HELZ: variants seen among roughly 807,000 people sequenced by gnomAD.
HELZ encodes the protein helicase with zinc finger, also known as ATP-dependent RNA helicase with zinc finger domain.
Under a neutral mutation model 218.2 loss-of-function variants are expected in HELZ, and 23 were observed. The observed-to-expected ratio is 0.11, with a 90% CI of 0.08 to 0.15. The LOEUF is 0.15. HELZ is among the 10% of genes least tolerant of loss of function. The pLI is 1.00. For synonymous variants in HELZ, 814 were observed against 829.4 expected, an observed-to-expected ratio of 0.98 and a Z score of 0.32; for missense variants, 1,813 against 2,353.7, an observed-to-expected ratio of 0.77 and a Z score of 4.75.
intron 9 of HELZ, among the ~76,000 whole-genome samples, chr17:67,192,127 G>C (rs567136134): frequency 6.6e-6 from 1 of 151,948 alleles, no homozygotes; most frequent in Non-Finnish European, 1.5e-5. Flanking sequence ...GCTTGAACCC[G>C]GGAGGCGGAG....
intron 3 of HELZ, among the ~76,000 whole-genome samples, chr17:67,233,047 T>C (rs954303164): frequency 1.3e-5 from 2 of 152,218 alleles, no homozygotes; most frequent in African/African-American, 2.4e-5. Flanking sequence ...GGCAGGAGAA[T>C]TGCTCGAACC....
chr17:67,212,944 T>C (rs1463495184), intron 5 of HELZ, among the ~76,000 whole-genome samples: 1 of 152,234 alleles, frequency 6.6e-6, no homozygotes, highest in Non-Finnish European at 1.5e-5. Flanking sequence ...ACTCATTTCA[T>C]GACAACTTTA....
chr17:67,153,873 C>T (rs907255873), intron 17 of HELZ, among the ~76,000 whole-genome samples: 2 of 152,170 alleles, frequency 1.3e-5, no homozygotes, highest in African/African-American at 2.4e-5. Context: ...TTTAATAAGT[C>T]ATCATATGGA....
In HELZ at chr17:67,111,386, T is replaced by C. The variant is rs151150620; in HGVS notation, c.3919-1700A>G. On this transcript the variant is annotated intron_variant, in intron 28 of 32. Coordinates refer to ENST00000358691, the MANE Select transcript of HELZ (RefSeq NM_014877.4). ...TCTGTCAAAACACTCCATGCATTACTTGGAGTGTAAATAAATTTGGCACGT... is the reference window on the plus strand; with the variant it reads ...TCTGTCAAAACACTCCATGCATTACCTGGAGTGTAAATAAATTTGGCACGT... Among the ~76,000 whole-genome samples, 7 of 152,306 alleles carry C rather than the reference T, an allele frequency of 4.6e-5. No individual in the cohort carries two copies. In the East Asian group the frequency reaches 1.3e-3, roughly 29 times the overall value.
chr17:67,082,854 T>G (rs973201854), intron 32 of HELZ, among the ~76,000 whole-genome samples: 19 of 149,996 alleles, frequency 1.3e-4, no homozygotes, highest in African/African-American at 4.7e-4. Context: ...ACTGTTTTTT[T>G]TTTTTGTTTT....
At chr17:67,103,458 CA>C (rs1299155597) in intron 31 of HELZ, among the ~76,000 whole-genome samples, 1 of 151,872 alleles carries the variant, frequency 6.6e-6, no homozygotes, top group African/African-American at 2.4e-5. Context: ...AATGAACAAT[CA>C]AAAAATGAAA....
chr17:67,097,546 C>A (rs944457080), intron 31 of HELZ, among the ~76,000 whole-genome samples: 1 of 152,146 alleles, frequency 6.6e-6, no homozygotes, highest in African/African-American at 2.4e-5. Context: ...TATTTTCCTA[C>A]CAAGCAATAT....
In HELZ at chr17:67,071,530, C is replaced by T. The variant is rs1022910596; in HGVS notation, c.*6722G>A. On this transcript the variant is annotated 3_prime_UTR_variant, in exon 33 of 33. Coordinates refer to ENST00000358691, the MANE Select transcript of HELZ (RefSeq NM_014877.4). ...GCTGTATATTCTACGATGGTCTTCA[C>T]GTGTACTTTTACACCTAAGTCATTC... The T allele has an allele frequency of 2.6e-5, 4 of 152,156 alleles. No homozygotes were observed. The highest frequency in any genetic ancestry group is 9.7e-5 in the African/African-American group (4 of 41,440). The allele number at this position is 152,156 out of a possible 1,614,324, so 9.4% of individuals were successfully genotyped here.
At chr17:67,141,307 A>G (rs564772759) in intron 21 of HELZ, among the ~76,000 whole-genome samples, 1 of 152,340 alleles carries the variant, frequency 6.6e-6, no homozygotes, top group African/African-American at 2.4e-5. Context: ...AACGGCACAA[A>G]GGAGGTAGGT....
chr17:67,095,501 T>C (rs564858267), intron 31 of HELZ, among the ~76,000 whole-genome samples: 100 of 152,302 alleles, frequency 6.6e-4, no homozygotes, highest in Non-Finnish European at 1.2e-3. Context: ...TGAGTCATGA[T>C]TGCACCACTG....
At chr17:67,242,251 A>G (rs539199759) in intron 2 of HELZ, among the ~76,000 whole-genome samples, 60 of 152,230 alleles carry the variant, frequency 3.9e-4, no homozygotes, top group Non-Finnish European at 7.1e-4. Flanking sequence ...CCCTCTCTCT[A>G]CTAAAAATAC....
chr17:67,200,335 G>A (rs2040137031), intron 7 of HELZ, among the ~76,000 whole-genome samples: 1 of 152,128 alleles, frequency 6.6e-6, no homozygotes, highest in Non-Finnish European at 1.5e-5. Context: ...TCCTTCACTG[G>A]AGTACTTTTT....
At chr17:67,150,133 T>C in intron 18 of HELZ, 148 bp from the exon 19 acceptor site, 2 of 291,946 alleles carry the variant, frequency 6.9e-6, no homozygotes, top group Non-Finnish European at 1.2e-5. Context: ...TTTCTTTCTT[T>C]TTTTTTTTTT....
chr17:67,154,411 A>G (rs2038778919), intron 17 of HELZ, among the ~76,000 whole-genome samples: 1 of 152,222 alleles, frequency 6.6e-6, no homozygotes, highest in South Asian at 2.1e-4. Flanking sequence ...CCTGGGTTAC[A>G]GAGTGAGACT....
intron 2 of HELZ, among the ~76,000 whole-genome samples, chr17:67,243,085 G>A (rs1451868832): frequency 1.3e-5 from 2 of 152,096 alleles, no homozygotes; most frequent in South Asian, 2.1e-4. Flanking sequence ...CTATAGCACA[G>A]AAAACTATTC....
At chr17:67,156,100 T>C (rs996109008) in intron 17 of HELZ, among the ~76,000 whole-genome samples, 1 of 150,948 alleles carries the variant, frequency 6.6e-6, no homozygotes, top group Admixed American at 6.6e-5. Flanking sequence ...TTGGGAATGA[T>C]ATTTGGTGAA....
At position 67,178,924 on chromosome 17, in the gene HELZ, G is replaced by T; in HGVS notation, c.1165C>A (p.Leu389Ile). 6.4e-7 allele frequency: 1 copy of T among 1,571,410 alleles called. No homozygotes were observed. Among genetic ancestry groups the T allele is most frequent in the South Asian group, 1.2e-5 (1 of 84,520 alleles). ...VMIDAASTED[L>I]EYLMHAKQQL... is the part of the protein sequence containing the mutation. ...TGTTTTGCATGCATCAGGTATTCGAGATCTAAATGGAAACAAAAAACACAT... is the reference window on the plus strand; with the variant it reads ...TGTTTTGCATGCATCAGGTATTCGATATCTAAATGGAAACAAAAAACACAT... The change falls in exon 13 of 33, where the codon CTC becomes ATC. Residue 389 changes from leucine (L) to isoleucine (I), a missense_variant and splice_region_variant. Leu to Ile is a conservative substitution (Grantham distance 5, BLOSUM62 2). This residue lies in a region of HELZ where 714 missense variants were observed against 1,029.2 expected (regional missense o/e 0.69). Transcript: ENST00000358691.
intron 13 of HELZ, among the ~76,000 whole-genome samples, chr17:67,170,265 C>T (rs548681998): frequency 4.6e-5 from 7 of 152,304 alleles, no homozygotes; most frequent in African/African-American, 1.2e-4. Context: ...ACCAAGTCTC[C>T]GCCTGGGCCC....
chr17:67,199,032 C>G (rs2040099638), intron 7 of HELZ, among the ~76,000 whole-genome samples: 1 of 151,908 alleles, frequency 6.6e-6, no homozygotes, highest in Admixed American at 6.6e-5. Context: ...GTTGGTAATT[C>G]AATTAAGGCA....
Sources: allele counts gnomAD v4.1 joint callset (sites outside exome capture counted in the v4.1 genomes callset), GRCh38; gene constraint gnomAD v4.1.1; regional missense constraint gnomAD v4.1.1; transcripts MANE v1.5; gene names NCBI Gene and HGNC (gene_info 2026-07-23, HGNC 2026-07-21).